PLXNA4: variants seen among roughly 807,000 people sequenced by gnomAD.
PLXNA4 encodes plexin A4.
A neutral mutation model predicts 191.8 loss-of-function variants in PLXNA4; 44 were observed. That is an observed-to-expected ratio of 0.23 (90% CI 0.18 to 0.29). The LOEUF is 0.29. Among genes scored for constraint, PLXNA4 ranks in the 10% least tolerant of loss-of-function variants. The probability of loss-of-function intolerance (pLI) is 1.00; values close to 1 mark genes in which losing one functional copy is unlikely to be tolerated. For missense variants in PLXNA4, 1,800 were observed against 2,488.8 expected (o/e 0.72, Z 5.89); for synonymous variants, 1,082 against 1,009.5 (o/e 1.07, Z -1.36).
chr7:132,176,583 AGTGT>A (rs1382242396), intron 20 of PLXNA4, among the ~76,000 whole-genome samples: 1 of 146,824 alleles, frequency 6.8e-6, no homozygotes, highest in Non-Finnish European at 1.5e-5. Context: ...TGAGTATGAC[AGTGT>A]GTGAGCATGT....
At chr7:132,357,033 T>C (rs1396623305) in intron 3 of PLXNA4, among the ~76,000 whole-genome samples, 3 of 152,124 alleles carry the variant, frequency 2.0e-5, no homozygotes, top group Non-Finnish European at 4.4e-5. Context: ...GCAACATCTC[T>C]GCCTATGAGA....
At chr7:132,188,388 G>A (rs1796949506) in intron 14 of PLXNA4, among the ~76,000 whole-genome samples, 1 of 152,182 alleles carries the variant, frequency 6.6e-6, no homozygotes, top group South Asian at 2.1e-4. Context: ...GCCTGTATCT[G>A]CATTTAAATG....
intron 4 of PLXNA4, among the ~76,000 whole-genome samples, chr7:132,287,092 T>C (rs114641875): frequency 0.015 from 2,307 of 152,272 alleles, 48 homozygotes; most frequent in African/African-American, 0.052. Context: ...CGGGGTGAAG[T>C]GGCATGATCT....
At chr7:132,639,717 A>C (rs1803677918) in intron 2 of PLXNA4, among the ~76,000 whole-genome samples, 1 of 152,212 alleles carries the variant, frequency 6.6e-6, no homozygotes, top group South Asian at 2.1e-4. Context: ...AATAATGTTA[A>C]AGTTTTCATC....
chr7:132,563,156 CCTCCTCCTCCTT>C (rs1230921639), intron 1 of PLXNA4, among the ~76,000 whole-genome samples: 1 of 75,422 alleles, frequency 1.3e-5, no homozygotes, highest in African/African-American at 4.6e-5. Flanking sequence ...TCCTCCTTCT[CCTCCTCCTCCTT>C]CTCCTCCTCC....
rs763894222 is a variant in PLXNA4 at position 132,507,808 on chromosome 7, C to T, written c.886G>A (p.Val296Met). 16 of 1,614,038 alleles carry T rather than the reference C, an allele frequency of 9.9e-6. No individual in the cohort carries two copies. The highest frequency in any genetic ancestry group is 5.5e-5 in the South Asian group (5 of 91,088). Reference sequence around the variant, plus strand: ...CCACTGCGCTCACAGCCAATGGGCACCTCTACATAGGAGTTGAAGGCTGTG... The same window carrying T: ...CCACTGCGCTCACAGCCAATGGGCATCTCTACATAGGAGTTGAAGGCTGTG... ...EDTAFNSYVE[V>M]PIGCERSGVE... Residue 296 changes from valine (V) to methionine (M), a missense_variant, in exon 2 of 32, where the codon GTG becomes ATG. Transcript: ENST00000321063.
intron 2 of PLXNA4, among the ~76,000 whole-genome samples, chr7:132,603,299 C>A (rs550734135): frequency 2.5e-4 from 2 of 8,118 alleles, no homozygotes; most frequent in East Asian, 5.1e-3. Flanking sequence ...ATTAATTCCA[C>A]CCCGGGAAGA....
intron 10 of PLXNA4, 96 bp downstream of exon 10, chr7:132,210,847 G>C: frequency 7.3e-7 from 1 of 1,374,830 alleles, no homozygotes; most frequent in Non-Finnish European, 1.0e-6. Context: ...TTGAGGAAAC[G>C]ACTGCAGGGC....
At chr7:132,216,965 C>T (rs1231468819) in intron 9 of PLXNA4, among the ~76,000 whole-genome samples, 1 of 152,138 alleles carries the variant, frequency 6.6e-6, no homozygotes, top group Non-Finnish European at 1.5e-5. Context: ...CACATGCATG[C>T]CAAAAGAACC....
chr7:132,407,027 C>G (rs181896271), intron 3 of PLXNA4, among the ~76,000 whole-genome samples: 4 of 152,306 alleles, frequency 2.6e-5, no homozygotes, highest in Admixed American at 6.5e-5. Context: ...CTCCCAAGTC[C>G]TCATCTGCCT....
chr7:132,459,117 G>A (rs1328386012), intron 3 of PLXNA4, among the ~76,000 whole-genome samples: 1 of 152,086 alleles, frequency 6.6e-6, no homozygotes. Context: ...CCGAACCAGA[G>A]CCCGCGCTCT....
intron 19 of PLXNA4, 36 bp downstream of exon 19, chr7:132,180,550 C>T (rs895457918): frequency 1.9e-6 from 3 of 1,612,970 alleles, no homozygotes; most frequent in Non-Finnish European, 2.5e-6. Context: ...ATCCCTACTG[C>T]CCGCTCCATC....
chr7:132,275,163 T>C (rs117092650), intron 4 of PLXNA4, among the ~76,000 whole-genome samples: 2 of 152,242 alleles, frequency 1.3e-5, no homozygotes, highest in East Asian at 1.9e-4. Flanking sequence ...TAATTAAAGA[T>C]TTTTCCTCTT....
intron 4 of PLXNA4, among the ~76,000 whole-genome samples, chr7:132,246,916 C>G (rs1342200412): frequency 6.6e-6 from 1 of 152,048 alleles, no homozygotes; most frequent in Non-Finnish European, 1.5e-5. Context: ...GAAAAGAGAG[C>G]AAAGGGTCCC....
At chr7:132,601,260 A>G (rs1010528431) in intron 2 of PLXNA4, among the ~76,000 whole-genome samples, 3 of 140,224 alleles carry the variant, frequency 2.1e-5, no homozygotes, top group African/African-American at 8.0e-5. Flanking sequence ...CAGAGGTCAT[A>G]TAATTGAGCC....
Position 132,471,137 on chromosome 7 carries a change from C to T in PLXNA4, c.1371+18155G>A, listed in dbSNP as rs142030260. Among the ~76,000 whole-genome samples the T allele has an allele frequency of 3.1e-3, 471 of 152,190 alleles. 7 individuals carry two copies. The highest frequency in any genetic ancestry group is 0.011 in the African/African-American group (451 of 41,514). ...TTTTGTTGTTTAAAGGTGTGTGGCACCTCCCCCATCTCTTGCTGCTGCCTT... is the reference window on the plus strand; with the variant it reads ...TTTTGTTGTTTAAAGGTGTGTGGCATCTCCCCCATCTCTTGCTGCTGCCTT... On this transcript the variant is annotated intron_variant, in intron 3 of 31. Coordinates refer to ENST00000321063, the MANE Select transcript of PLXNA4 (RefSeq NM_020911.2).
chr7:132,181,495 C>T lies in PLXNA4; in HGVS notation c.3378G>A (p.Gln1126=). 1 of 1,614,174 alleles carries T rather than the reference C, an allele frequency of 6.2e-7. No individual in the cohort carries two copies. Among genetic ancestry groups the T allele is most frequent in the South Asian group, 1.1e-5 (1 of 91,068 alleles). The change falls in exon 18 of 32, where the codon CAG becomes CAA. Residue 1126 remains glutamine, a synonymous_variant. Coordinates refer to ENST00000321063, the MANE Select transcript of PLXNA4 (RefSeq NM_020911.2). The part of the protein sequence containing the change: ...EEFGFILDNV[Q]SLLILNKTNF... Reference sequence around the variant, plus strand: ...TGGTCTTGTTGAGGATGAGCAGGGACTGGACGTTGTCCAGGATGAAGCCAA... The same window carrying T: ...TGGTCTTGTTGAGGATGAGCAGGGATTGGACGTTGTCCAGGATGAAGCCAA...
intron 5 of PLXNA4, among the ~76,000 whole-genome samples, chr7:132,237,133 T>A (rs1798727623): frequency 6.6e-6 from 1 of 152,256 alleles, no homozygotes; most frequent in African/African-American, 2.4e-5. Context: ...TTAAGATCTG[T>A]GCATCTCATT....
upstream of PLXNA4, among the ~76,000 whole-genome samples, chr7:132,580,920 T>A (rs1464176418): frequency 6.6e-6 from 1 of 152,120 alleles, no homozygotes; most frequent in Non-Finnish European, 1.5e-5. Context: ...ACAGCAGGAA[T>A]ATCATCAGTA....
Sources: allele counts gnomAD v4.1 joint callset (sites outside exome capture counted in the v4.1 genomes callset), GRCh38; gene constraint gnomAD v4.1.1; transcripts MANE v1.5; gene names NCBI Gene and HGNC (gene_info 2026-07-23, HGNC 2026-07-21).